Variants in OR5H1 observed in about 807,000 individuals in gnomAD.
OR5H1 encodes the protein olfactory receptor 5H1.
For synonymous variants in OR5H1, 124 were observed against 134.4 expected (o/e 0.92, Z 0.54); for missense variants, 378 against 366.8 (o/e 1.03, Z -0.25).
intron 1 of OR5H1, 125 bp from the exon 2 acceptor site, chr3:98,132,555 A>G: frequency 1.9e-6 from 2 of 1,036,240 alleles, no homozygotes; most frequent in Non-Finnish European, 2.8e-6. Context: ...TTCATCAGCT[A>G]TAGGACTGAT....
intron 1 of OR5H1, 67 bp from the exon 2 acceptor site, chr3:98,132,613 T>A: frequency 6.4e-7 from 1 of 1,552,404 alleles, no homozygotes. Context: ...CTTCAGCACC[T>A]CTTCCCCAAT....
At chr3:98,132,237 T>TA (rs960473767) in intron 1 of OR5H1, among the ~76,000 whole-genome samples, 1 of 151,868 alleles carries the variant, frequency 6.6e-6, no homozygotes. Flanking sequence ...AAAACTAAAT[T>TA]AAAAAAAATT....
At position 98,136,513 on chromosome 3, in the gene OR5H1, T is replaced by A. The variant is rs1462092658; in HGVS notation, c.*2874T>A. 1 of 152,190 alleles carries A rather than the reference T, an allele frequency of 6.6e-6. No individual in the cohort carries two copies. The highest frequency in any genetic ancestry group is 6.5e-5 in the Admixed American group (1 of 15,282). 9.4% of individuals were successfully genotyped at this position (152,190 alleles called of 1,614,324 possible). On this transcript the variant is annotated 3_prime_UTR_variant, in exon 2 of 2. Coordinates refer to ENST00000641874, the MANE Select transcript of OR5H1 (RefSeq NM_001005338.2). Reference sequence around the variant, plus strand: ...CTTTCTTCCTCTTTACCAATATGGCTAGAAAGCTTGTGAGCAGCTATCAGC... The same window carrying A: ...CTTTCTTCCTCTTTACCAATATGGCAAGAAAGCTTGTGAGCAGCTATCAGC...
intron 1 of OR5H1, among the ~76,000 whole-genome samples, chr3:98,131,969 A>G (rs72926069): frequency 0.017 from 2,658 of 152,112 alleles, 79 homozygotes; most frequent in African/African-American, 0.056. Context: ...TGTCTCTTTC[A>G]ATGTCATATC....
Position 98,134,445 on chromosome 3 carries a change from T to A in OR5H1, c.*806T>A, listed in dbSNP as rs538849355. The stretch of plus-strand genomic sequence containing the variant: ...AGAAAGAAAGTGGTCTTAATGTTTT[T>A]ATGATGAAGCTACCAAGATGTGTAA... On this transcript the variant is annotated 3_prime_UTR_variant, in exon 2 of 2. Transcript: ENST00000641874. 26 of 152,116 alleles carry A rather than the reference T, an allele frequency of 1.7e-4. No individual in the cohort carries two copies. Among genetic ancestry groups the A allele is most frequent in the Non-Finnish European group, 2.6e-4 (18 of 67,980 alleles). 9.4% of individuals were successfully genotyped at this position (152,116 alleles called of 1,614,324 possible). A position where few individuals can be genotyped will look rare whatever the true frequency, so the allele number is the denominator to read the frequency against.
At chr3:98,132,284 G>A (rs1708265112) in intron 1 of OR5H1, among the ~76,000 whole-genome samples, 1 of 151,914 alleles carries the variant, frequency 6.6e-6, no homozygotes, top group South Asian at 2.1e-4. Context: ...TTTGGCACAT[G>A]CTTATTGTAT....
Position 98,133,814 on chromosome 3 carries a change from C to G in OR5H1, c.*175C>G, listed in dbSNP as rs370394275. The G allele has an allele frequency of 6.1e-5, 34 of 560,382 alleles. No homozygotes were observed. The South Asian group carries it at 7.0e-4, about 12-fold the overall frequency. The allele number at this position is 560,382 out of a possible 1,614,324, so 34.7% of individuals were successfully genotyped here. On this transcript the variant is annotated 3_prime_UTR_variant, in exon 2 of 2. Transcript: ENST00000641874. ...TGTCTATATGTTATTCAAAAGCATT[C>G]AAGAAATTTTCATACTGTTCATAAT...
rs1276111367 is a variant in OR5H1, at chr3:98,138,216, G to T, written c.*4577G>T. ...GCAAGCCAGGGGGTACGTGACAGGG[G>T]CTGCGAGCACCGGTGGTCAGAGTGA... On this transcript the variant is annotated 3_prime_UTR_variant, in exon 2 of 2. Coordinates refer to ENST00000641874, the MANE Select transcript of OR5H1 (RefSeq NM_001005338.2). 1 of 152,184 alleles carries T rather than the reference G, an allele frequency of 6.6e-6. No homozygotes were observed. Among genetic ancestry groups the T allele is most frequent in the Non-Finnish European group, 1.5e-5 (1 of 68,018 alleles). 9.4% of individuals were successfully genotyped at this position (152,184 alleles called of 1,614,324 possible). A position where few individuals can be genotyped will look rare whatever the true frequency, so the allele number is the denominator to read the frequency against.
chr3:98,132,647 A>G, intron 1 of OR5H1, 33 bp from the exon 2 acceptor site: 1 of 1,599,082 alleles, frequency 6.3e-7, no homozygotes, highest in Non-Finnish European at 8.5e-7. Flanking sequence ...GCCATTGCAA[A>G]TGTTCCCTTT....
rs1708296615 is a variant in OR5H1, at chr3:98,134,349, T to G, written c.*710T>G. On this transcript the variant is annotated 3_prime_UTR_variant, in exon 2 of 2. Transcript: ENST00000641874. ...AGACAACCTGGAAGCCTTCCCTAAT[T>G]CAGGAAATTAAAAGATTAAATAGAA... 6.6e-6 allele frequency: 1 copy of G among 152,034 alleles called. No homozygotes were observed. 9.4% of individuals were successfully genotyped at this position (152,034 alleles called of 1,614,324 possible). A position where few individuals can be genotyped will look rare whatever the true frequency, so the allele number is the denominator to read the frequency against.
At chr3:98,131,534 C>T (rs1379242400) in intron 1 of OR5H1, among the ~76,000 whole-genome samples, 4 of 151,380 alleles carry the variant, frequency 2.6e-5, no homozygotes, top group Non-Finnish European at 5.9e-5. Flanking sequence ...ACTATGATTT[C>T]GATGGCAAAA....
At position 98,136,548 on chromosome 3, in the gene OR5H1, C is replaced by G. The variant is rs1213742386; in HGVS notation, c.*2909C>G. 1.3e-5 allele frequency: 2 copies of G among 152,134 alleles called. No homozygotes were observed. Among genetic ancestry groups the G allele is most frequent in the African/African-American group, 4.8e-5 (2 of 41,420 alleles). 9.4% of individuals were successfully genotyped at this position (152,134 alleles called of 1,614,324 possible). A position where few individuals can be genotyped will look rare whatever the true frequency, so the allele number is the denominator to read the frequency against. ...GTGAGCAGCTATCAGCCCAGATTTTCTAAAGGAACTGGCTGTAGTTATTTT... is the reference window on the plus strand; with the variant it reads ...GTGAGCAGCTATCAGCCCAGATTTTGTAAAGGAACTGGCTGTAGTTATTTT... On this transcript the variant is annotated 3_prime_UTR_variant, in exon 2 of 2. Transcript: ENST00000641874.
rs190397100 is a variant in OR5H1, at chr3:98,133,491, C to T, written c.794C>T (p.Pro265Leu). The change falls in exon 2 of 2, where the codon CCG (proline) becomes CTG (leucine). Residue 265 changes from proline to leucine, a missense_variant. By Grantham distance (98) the Pro-to-Leu change is moderately conservative (BLOSUM62 -3). Transcript: ENST00000641874. ...TTCATTTATGTGGGCCCTGCATCTCCGCAAGCAGATGATCAAGATATGGTG... is the reference window on the plus strand; with the variant it reads ...TTCATTTATGTGGGCCCTGCATCTCTGCAAGCAGATGATCAAGATATGGTG... ...LLFIYVGPAS[P>L]QADDQDMVEP... The T allele has an allele frequency of 5.1e-5, 82 of 1,613,478 alleles. 1 individual carries two copies. Among genetic ancestry groups the T allele is most frequent in the Admixed American group, 3.5e-4 (21 of 59,946 alleles).
At position 98,133,956 on chromosome 3, in the gene OR5H1, G is replaced by C; in HGVS notation, c.*317G>C. On this transcript the variant is annotated 3_prime_UTR_variant, in exon 2 of 2. Coordinates refer to ENST00000641874, the MANE Select transcript of OR5H1 (RefSeq NM_001005338.2). ...CCTAGTTTATCATATAAGGACTTGA[G>C]TATGATGGTTTTGATACTAATACTA... The C allele has an allele frequency of 4.0e-6, 1 of 251,974 alleles. No homozygotes were observed. The highest frequency in any genetic ancestry group is 1.0e-4 in the East Asian group (1 of 9,826). The allele number at this position is 251,974 out of a possible 1,614,324, so 15.6% of individuals were successfully genotyped here.
At position 98,136,995 on chromosome 3, in the gene OR5H1, T is replaced by C. The variant is rs1182276287; in HGVS notation, c.*3356T>C. On this transcript the variant is annotated 3_prime_UTR_variant, in exon 2 of 2. Transcript: ENST00000641874. ...TGGAATGAGGCAGGGCTTAATTGGA[T>C]GCATAAAGTCAATTCTTAGTTTCTT... 1 of 152,232 alleles carries C rather than the reference T, an allele frequency of 6.6e-6. No individual in the cohort carries two copies. The highest frequency in any genetic ancestry group is 2.4e-5 in the African/African-American group (1 of 41,466). The allele number at this position is 152,232 out of a possible 1,614,324, so 9.4% of individuals were successfully genotyped here. A position where few individuals can be genotyped will look rare whatever the true frequency, so the allele number is the denominator to read the frequency against.
chr3:98,136,227 C>G lies in OR5H1; in HGVS notation c.*2588C>G, dbSNP rs1349098987. On this transcript the variant is annotated 3_prime_UTR_variant, in exon 2 of 2. Transcript: ENST00000641874. The stretch of plus-strand genomic sequence containing the variant: ...AGACTAATTTATTTACCAACTAGAT[C>G]TACCCTCATTAAGCTTCAAGTGAGT... The G allele has an allele frequency of 6.6e-6, 1 of 152,154 alleles. No homozygotes were observed. Among genetic ancestry groups the G allele is most frequent in the Non-Finnish European group, 1.5e-5 (1 of 68,040 alleles). 9.4% of individuals were successfully genotyped at this position (152,154 alleles called of 1,614,324 possible). A position where few individuals can be genotyped will look rare whatever the true frequency, so the allele number is the denominator to read the frequency against.
chr3:98,133,644 C>T lies in OR5H1; in HGVS notation c.*5C>T. The T allele has an allele frequency of 6.3e-7, 1 of 1,579,938 alleles. No homozygotes were observed. The highest frequency in any genetic ancestry group is 8.6e-7 in the Non-Finnish European group (1 of 1,161,260). On this transcript the variant is annotated 3_prime_UTR_variant, in exon 2 of 2. Coordinates refer to ENST00000641874, the MANE Select transcript of OR5H1 (RefSeq NM_001005338.2). ...CATGTTAAGGTTTCATACTAATATC[C>T]TTTCTCTAATTACAAAAATAGTCAC...
chr3:98,133,197 C>A lies in OR5H1; in HGVS notation c.500C>A (p.Thr167Asn), dbSNP rs202106985. The A allele has an allele frequency of 1.2e-4, 188 of 1,612,854 alleles. No individual in the cohort carries two copies. The East Asian group carries it at 3.9e-3, about 34-fold the overall frequency. ...CATGAAGGATTTTTATTCAGACTAA[C>A]CTTCTGTAACTCCAACATAGTACAT... ...LIHEGFLFRLTFCNSNIVHHI... is the reference protein window; with the variant it reads ...LIHEGFLFRLNFCNSNIVHHI... The change falls in exon 2 of 2, where the codon ACC becomes AAC. Residue 167 changes from threonine (T) to asparagine (N), a missense_variant. Physicochemically the swap from Thr to Asn is moderately conservative, Grantham distance 65 (BLOSUM62 0). Transcript: ENST00000641874.
Position 98,132,909 on chromosome 3 carries a change from C to T in OR5H1, c.212C>T (p.Ala71Val), listed in dbSNP as rs763943879. The T allele has an allele frequency of 7.4e-6, 12 of 1,613,180 alleles. No individual in the cohort carries two copies. In the Admixed American group the frequency reaches 1.8e-4, roughly 25 times the overall value. The change falls in exon 2 of 2, where the codon GCT (alanine) becomes GTT (valine). Residue 71 changes from alanine to valine, a missense_variant. Transcript: ENST00000641874. Reference sequence around the variant, plus strand: ...CTTGGGAATTTAGCTTTTGTGGATGCTTGGATATCATCCACAGTGACCCCA... The same window carrying T: ...CTTGGGAATTTAGCTTTTGTGGATGTTTGGATATCATCCACAGTGACCCCA... ...LLLGNLAFVD[A>V]WISSTVTPKM...
Sources: gnomAD v4.1 joint callset for allele counts (sites outside exome capture counted in the v4.1 genomes callset) on GRCh38, gnomAD v4.1.1 for gene constraint, MANE v1.5 for transcripts, NCBI Gene and HGNC (gene_info 2026-07-23, HGNC 2026-07-21) for gene names.